Variants in MTMR9 observed in about 807,000 individuals in gnomAD.
MTMR9 encodes the protein myotubularin-related protein 9.
In MTMR9, 39 loss-of-function variants were observed where a neutral mutation model predicts 69.5. The ratio of observed to expected loss-of-function variants is 0.56; its 90% CI spans 0.43 to 0.73. The LOEUF (loss-of-function observed/expected upper bound fraction) is 0.73. Among genes scored for constraint, MTMR9 ranks in the 30% least tolerant of loss-of-function variants. MTMR9 has a pLI of 0.00. For missense variants in MTMR9, 900 were observed against 671.2 expected (o/e 1.34, Z -3.77); for synonymous variants, 354 against 240.8 (o/e 1.47, Z -4.35).
Position 11,306,207 on chromosome 8 carries a change from T to G in MTMR9, c.609T>G (p.Gly203=). ...KKNGMVIMRS[G]QPLTGTNGRR... ...GCTTCTAGGTAATTATGCGAAGTGG[T>G]CAGCCACTCACTGGTACAAACGGGA... Residue 203 remains glycine (G), a synonymous_variant, in exon 5 of 10, where the codon GGT becomes GGG. Transcript: ENST00000221086. 2 of 1,613,054 alleles carry G rather than the reference T, an allele frequency of 1.2e-6. No individual in the cohort carries two copies. The highest frequency in any genetic ancestry group is 1.7e-6 in the Non-Finnish European group (2 of 1,179,884).
At chr8:11,318,139 G>A (rs934742810) in intron 8 of MTMR9, 2 of 152,178 alleles carry the variant, frequency 1.3e-5, no homozygotes, top group Non-Finnish European at 2.9e-5. Context: ...TGTTATACCT[G>A]TTAATATCCT....
chr8:11,303,428 A>G (rs1468024257), intron 3 of MTMR9, among the ~76,000 whole-genome samples: 1 of 152,078 alleles, frequency 6.6e-6, no homozygotes, highest in East Asian at 1.9e-4. Context: ...AAAATGTTGA[A>G]AATGATTGCC....
rs896890040 is a variant in MTMR9, at chr8:11,322,766, A to G, written c.1628A>G (p.Asp543Gly). The change falls in exon 10 of 10, where the codon GAC (aspartate) becomes GGC (glycine). Residue 543 changes from aspartate (D) to glycine (G), a missense_variant. Transcript: ENST00000221086. ...CAGTTGGCAGAACTGGAAACAGAGG[A>G]CGGGATGCAGGAGAGTCCCTGAAAG... ...RRQLAELETEDGMQESP is the reference protein window; with the variant it reads ...RRQLAELETEGGMQESP 2 of 1,613,954 alleles carry G rather than the reference A, an allele frequency of 1.2e-6. No individual in the cohort carries two copies. Among genetic ancestry groups the G allele is most frequent in the African/African-American group, 2.7e-5 (2 of 74,920 alleles).
At chr8:11,309,044 C>G (rs554072508) in intron 5 of MTMR9, among the ~76,000 whole-genome samples, 7 of 152,282 alleles carry the variant, frequency 4.6e-5, no homozygotes, top group African/African-American at 9.6e-5. Context: ...TTTCCTCCAC[C>G]TATTGTCTCT....
the MTMR9 span, among the ~76,000 whole-genome samples, chr8:11,333,479 G>A: frequency 2.5e-3 from 386 of 152,250 alleles, 2 homozygotes; most frequent in African/African-American, 8.7e-3. Flanking sequence ...TTGTTACTGC[G>A]AGATATGCCT....
chr8:11,306,413 A>T lies in MTMR9; in HGVS notation c.809+6A>T. 1.2e-6 allele frequency: 2 copies of T among 1,612,474 alleles called. No homozygotes were observed. Among genetic ancestry groups the T allele is most frequent in the Non-Finnish European group, 1.7e-6 (2 of 1,178,622 alleles). On this transcript the variant is annotated splice_donor_region_variant and intron_variant, in intron 5 of 9. Transcript: ENST00000221086. ...ATTCATAAGTCCATTGAGAGGTAAA[A>T]GATTCCAAAGATAGTACAGACTCTT...
chr8:11,294,981 CT>C (rs1408389040), intron 1 of MTMR9: 1 of 334,774 alleles, frequency 3.0e-6, no homozygotes, highest in African/African-American at 2.2e-5. Context: ...ATGTGAATTA[CT>C]TTATATATTT....
chr8:11,308,386 A>C (rs1411603917), intron 5 of MTMR9, among the ~76,000 whole-genome samples: 1 of 152,168 alleles, frequency 6.6e-6, no homozygotes, highest in Admixed American at 6.5e-5. Flanking sequence ...CTGTTCCATT[A>C]GTCAATGTGT....
rs191431565 is a variant in MTMR9 at position 11,296,970 on chromosome 8, T to C, written c.291+1668T>C. Among the ~76,000 whole-genome samples the C allele has an allele frequency of 5.3e-5, 8 of 152,340 alleles. No individual in the cohort carries two copies. In the East Asian group the frequency reaches 9.6e-4, roughly 18 times the overall value. On this transcript the variant is annotated intron_variant, in intron 2 of 9. Coordinates refer to ENST00000221086, the MANE Select transcript of MTMR9 (RefSeq NM_015458.4). ...TTAGTTTAAATGGAAGAGCTCATAC[T>C]GTTTTCTTTCCATTCTAACCAACTA...
intron 1 of MTMR9, among the ~76,000 whole-genome samples, chr8:11,290,440 G>A (rs1023327793): frequency 6.6e-6 from 1 of 151,662 alleles, no homozygotes; most frequent in Admixed American, 6.6e-5. Context: ...GCCCTTTGTT[G>A]AACAGAAATC....
chr8:11,308,830 G>C (rs756664325), intron 5 of MTMR9, among the ~76,000 whole-genome samples: 6 of 152,142 alleles, frequency 3.9e-5, no homozygotes, highest in Admixed American at 2.0e-4. Flanking sequence ...GGCGAAAGCT[G>C]TGCTCTTGGA....
intron 2 of MTMR9, chr8:11,297,800 A>T (rs1799612820): frequency 6.6e-6 from 3 of 451,822 alleles, no homozygotes; most frequent in South Asian, 3.1e-5. Context: ...GCCGTAAATT[A>T]TGAGCTCATT....
At position 11,324,331 on chromosome 8, in the gene MTMR9, C is replaced by CCCACAGT. The variant is rs1800827734; in HGVS notation, c.*1552_*1558dup. 1 of 152,168 alleles carries CCCACAGT rather than the reference C, an allele frequency of 6.6e-6. No homozygotes were observed. The highest frequency in any genetic ancestry group is 2.4e-5 in the African/African-American group (1 of 41,432). The allele number at this position is 152,168 out of a possible 1,614,324, so 9.4% of individuals were successfully genotyped here. A position where few individuals can be genotyped will look rare whatever the true frequency, so the allele number is the denominator to read the frequency against. ...CCTTGTAGCAAAGGCTACACAGCAG[C>CCCACAGT]CCACAGTCCACAGTCTTTTTGGGAA... On this transcript the variant is annotated 3_prime_UTR_variant, in exon 10 of 10. Transcript: ENST00000221086.
intron 3 of MTMR9, among the ~76,000 whole-genome samples, chr8:11,303,957 G>A (rs559666926): frequency 2.0e-5 from 3 of 152,020 alleles, no homozygotes; most frequent in Admixed American, 6.6e-5. Context: ...CTGTTAGTAC[G>A]TCTAACATAC....
At chr8:11,311,536 G>C (rs906569688) in intron 6 of MTMR9, among the ~76,000 whole-genome samples, 1 of 152,178 alleles carries the variant, frequency 6.6e-6, no homozygotes, top group African/African-American at 2.4e-5. Flanking sequence ...TGTTAATTGT[G>C]CAATAGTATT....
At chr8:11,332,886 C>T (rs1466594056), downstream of MTMR9, among the ~76,000 whole-genome samples, 1 of 152,194 alleles carries the variant, frequency 6.6e-6, no homozygotes, top group Non-Finnish European at 1.5e-5. Context: ...AGGCATTAGC[C>T]ACCACGCCCA....
chr8:11,331,142 C>G (rs146240587), downstream of MTMR9: 8 of 1,608,528 alleles, frequency 5.0e-6, no homozygotes, highest in African/African-American at 1.1e-4. Context: ...ACCTGCCTGA[C>G]TCCACACACC....
chr8:11,298,654 G>A (rs3824211), intron 2 of MTMR9: 111,122 of 659,802 alleles, frequency 0.17, 10,492 homozygotes, highest in African/African-American at 0.35. Flanking sequence ...TCCTGTCCAG[G>A]TGAATGTCTC....
At chr8:11,310,074 C>T (rs961596232) in intron 6 of MTMR9, among the ~76,000 whole-genome samples, 3 of 151,996 alleles carry the variant, frequency 2.0e-5, no homozygotes, top group Non-Finnish European at 4.4e-5. Context: ...GAAATATCAG[C>T]GAAAGGAAAC....
Sources: gnomAD v4.1 joint callset for allele counts (sites outside exome capture counted in the v4.1 genomes callset) on GRCh38, gnomAD v4.1.1 for gene constraint, MANE v1.5 for transcripts, NCBI Gene and HGNC (gene_info 2026-07-23, HGNC 2026-07-21) for gene names.